Variants in MACF1 observed in about 807,000 individuals in gnomAD.
MACF1 encodes microtubule-actin cross-linking factor 1.
MACF1 carries 193 observed loss-of-function variants against 854.8 expected under a neutral mutation model. That is an observed-to-expected ratio of 0.23 (90% confidence interval 0.20 to 0.25). MACF1 has a LOEUF of 0.25. MACF1 is among the 10% of genes least tolerant of loss of function. MACF1 has a pLI of 1.00. For synonymous variants in MACF1, 3,185 were observed against 3,226.7 expected (o/e 0.99, Z 0.44); for missense variants, 7,722 against 8,929.1 (o/e 0.86, Z 5.45).
intron 2 of MACF1, among the ~76,000 whole-genome samples, chr1:39,232,252 A>C (rs1389619927): frequency 6.6e-6 from 1 of 151,934 alleles, no homozygotes; most frequent in Non-Finnish European, 1.5e-5. Context: ...CTGAAAACAA[A>C]GTTTTTGAAT....
chr1:39,229,711 C>T (rs1644757382), intron 1 of MACF1, among the ~76,000 whole-genome samples: 1 of 152,080 alleles, frequency 6.6e-6, no homozygotes, highest in African/African-American at 2.4e-5. Flanking sequence ...ACCATGTTGT[C>T]TAGCATGGAC....
intron 90 of MACF1, chr1:39,458,880 A>T (rs1164634322): frequency 1.8e-6 from 1 of 548,688 alleles, no homozygotes; most frequent in East Asian, 3.1e-5. Context: ...GCTTGGAGAT[A>T]TGTAGGCAGC....
chr1:39,190,401 G>GTTTTTTTTT (rs71057198), intron 2 of MACF1, among the ~76,000 whole-genome samples: 8 of 105,976 alleles, frequency 7.5e-5, no homozygotes, highest in East Asian at 2.8e-4. Flanking sequence ...GTTTGTTTTT[G>GTTTTTTTTT]TTTTTTTTTT....
upstream of MACF1, among the ~76,000 whole-genome samples, chr1:39,203,274 GCTTGCTGC>G (rs1644413919): frequency 6.6e-6 from 1 of 152,126 alleles, no homozygotes; most frequent in South Asian, 2.1e-4. Context: ...CATGATCATG[GCTTGCTGC>G]AGCCTTGATT....
chr1:39,376,816 C>A (rs1309794589), intron 52 of MACF1, among the ~76,000 whole-genome samples: 1 of 151,868 alleles, frequency 6.6e-6, no homozygotes, highest in African/African-American at 2.4e-5. Flanking sequence ...CCTAGGCCCA[C>A]GCAATCAGCC....
Position 39,428,115 on chromosome 1 carries a change from G to T in MACF1, c.16631G>T (p.Arg5544Leu), listed in dbSNP as rs762115668. The change falls in exon 63 of 101, where the codon CGC becomes CTC. Residue 5544 changes from arginine to leucine, a missense_variant. Coordinates refer to ENST00000564288, the MANE Select transcript of MACF1 (RefSeq NM_001394062.1). ...LQARYSEIQD[R>L]CCRKAALLDQ... ...GCCCGATACAGTGAAATTCAAGACC[G>T]CTGTTGTCGGAAGGCAGCCCTACTT... 5.6e-6 allele frequency: 9 copies of T among 1,614,148 alleles called. No individual in the cohort carries two copies. The East Asian group carries it at 1.6e-4, about 28-fold the overall frequency.
intron 58 of MACF1, chr1:39,414,436 A>G (rs1473772431): frequency 1.7e-5 from 28 of 1,613,912 alleles, no homozygotes; most frequent in Non-Finnish European, 2.2e-5. Flanking sequence ...GCTACATGGG[A>G]AAGTGCCTCT....
chr1:39,321,997 GAGA>G (rs1272477030), intron 31 of MACF1, among the ~76,000 whole-genome samples: 2 of 152,258 alleles, frequency 1.3e-5, no homozygotes, highest in African/African-American at 2.4e-5. Context: ...CTTCATGTGA[GAGA>G]AGAAGAGAGT....
intron 89 of MACF1, chr1:39,457,114 G>T (rs547073903): frequency 1.3e-5 from 2 of 152,314 alleles, no homozygotes; most frequent in South Asian, 4.1e-4. Context: ...TACCTATAAA[G>T]CTTCTGCATC....
At position 39,461,897 on chromosome 1, in the gene MACF1, A is replaced by G. The variant is rs375373352; in HGVS notation, c.21538A>G (p.Lys7180Glu). The change falls in exon 93 of 101, where the codon AAG (lysine) becomes GAG (glutamate). Residue 7180 changes from lysine (K) to glutamate (E), a missense_variant. Physicochemically the swap from Lys to Glu is moderately conservative, Grantham distance 56 (BLOSUM62 1). Around this residue, in one of 15 missense-constraint regions of MACF1, gnomAD observed 153 missense variants for 342.5 expected, o/e 0.45. Transcript: ENST00000564288. ...CTTTTCTCCAGAGTTCCCCACCACC[A>G]AGTTAGAGATGACTGCTGTGGCTGA... is the stretch of plus-strand genomic sequence containing the variant. ...GILASKFPTT[K>E]LEMTAVADIF... is the part of the protein sequence containing the mutation. The G allele has an allele frequency of 2.5e-6, 4 of 1,613,338 alleles. No individual in the cohort carries two copies. The highest frequency in any genetic ancestry group is 3.4e-6 in the Non-Finnish European group (4 of 1,179,700).
intron 2 of MACF1, among the ~76,000 whole-genome samples, chr1:39,132,057 C>T (rs1643018677): frequency 6.6e-6 from 1 of 152,192 alleles, no homozygotes; most frequent in Non-Finnish European, 1.5e-5. Context: ...TTCTTTGTAG[C>T]AGAGACTAAA....
At chr1:39,173,137 C>G (rs1333285816) in intron 2 of MACF1, among the ~76,000 whole-genome samples, 1 of 152,052 alleles carries the variant, frequency 6.6e-6, no homozygotes, top group African/African-American at 2.4e-5. Context: ...GTCAGGAGAT[C>G]GAGAGCATCC....
chr1:39,425,756 AT>A (rs1643705644), intron 61 of MACF1, among the ~76,000 whole-genome samples: 1 of 151,838 alleles, frequency 6.6e-6, no homozygotes, highest in Admixed American at 6.6e-5. Context: ...TCATGGAATA[AT>A]TTTTCCTGCC....
chr1:39,448,760 A>G lies in MACF1; in HGVS notation c.20255A>G (p.Glu6752Gly). ...KWDTVCGKSV[E>G]RQHKLEEALL... The stretch of plus-strand genomic sequence containing the variant: ...GATACTGTTTGTGGCAAGTCTGTGG[A>G]GCGGTGAGCATGAATGTCCCCTTCA... The change falls in exon 84 of 101, where the codon GAG becomes GGG. Residue 6752 changes from glutamate to glycine, a missense_variant. This residue lies in a region of MACF1 where 729 missense variants were observed against 900.5 expected (regional missense o/e 0.81). Coordinates refer to ENST00000564288, the MANE Select transcript of MACF1 (RefSeq NM_001394062.1). 1.2e-6 allele frequency: 2 copies of G among 1,609,830 alleles called. No homozygotes were observed. Among genetic ancestry groups the G allele is most frequent in the Non-Finnish European group, 1.7e-6 (2 of 1,177,722 alleles).
chr1:39,351,077 A>G, intron 43 of MACF1, 59 bp downstream of exon 43: 1 of 1,284,384 alleles, frequency 7.8e-7, no homozygotes, highest in South Asian at 1.4e-5. Flanking sequence ...GTACCAACAC[A>G]AATAAAAGAC....
intron 2 of MACF1, among the ~76,000 whole-genome samples, chr1:39,100,653 A>G (rs1642046466): frequency 2.6e-5 from 4 of 152,068 alleles, no homozygotes; most frequent in African/African-American, 7.2e-5. Context: ...CAGGAGTTTG[A>G]GACTAGCCTG....
At chr1:39,468,329 C>T (rs762453769) in intron 95 of MACF1, among the ~76,000 whole-genome samples, 1 of 152,204 alleles carries the variant, frequency 6.6e-6, no homozygotes, top group Non-Finnish European at 1.5e-5. Context: ...GCAGAGGTTA[C>T]AGTAAGCTGA....
intron 6 of MACF1, among the ~76,000 whole-genome samples, chr1:39,267,809 T>G (rs2148354430): frequency 6.6e-6 from 1 of 152,326 alleles, no homozygotes; most frequent in African/African-American, 2.4e-5. Context: ...CAAAACCAAC[T>G]TCCAGATTTT....
intron 23 of MACF1, among the ~76,000 whole-genome samples, chr1:39,306,419 C>T (rs970786808): frequency 6.6e-6 from 1 of 152,082 alleles, no homozygotes; most frequent in South Asian, 2.1e-4. Flanking sequence ...TGAGCCACTG[C>T]ACCTGGCCCC....
Sources: gnomAD v4.1 joint callset for allele counts (sites outside exome capture counted in the v4.1 genomes callset) on GRCh38, gnomAD v4.1.1 for gene constraint, gnomAD v4.1.1 regional missense constraint, MANE v1.5 for transcripts, NCBI Gene and HGNC (gene_info 2026-07-23, HGNC 2026-07-21) for gene names.